SLC24A3: variants seen among roughly 807,000 people sequenced by gnomAD.
SLC24A3 encodes the protein solute carrier family 24 member 3.
In SLC24A3, 28 loss-of-function variants were observed where a neutral mutation model predicts 75.8. That is an observed-to-expected ratio of 0.37 (90% CI 0.27 to 0.51). SLC24A3 has a LOEUF of 0.51. Among genes scored for constraint, SLC24A3 ranks in the 20% least tolerant of loss-of-function variants. SLC24A3 has a pLI of 0.94. For missense variants in SLC24A3, 663 were observed against 847.8 expected (o/e 0.78, Z 2.71); for synonymous variants, 372 against 334.1 (o/e 1.11, Z -1.24).
In SLC24A3 at chr20:19,213,025, C is replaced by A. The variant is rs770568066; in HGVS notation, c.142+41C>A. On this transcript the variant is annotated intron_variant, in intron 1 of 16. Transcript: ENST00000328041. ...CTGCCCCGAGTGGGCGCTGCGGCTC[C>A]GGCGGCTCGGGGCTCCCGGGGCTGG... The A allele has an allele frequency of 2.5e-6, 3 of 1,209,166 alleles. No individual in the cohort carries two copies. In the African/African-American group the frequency reaches 4.7e-5, roughly 19 times the overall value. The allele number at this position is 1,209,166 out of a possible 1,614,324, so 74.9% of individuals were successfully genotyped here. A position where few individuals can be genotyped will look rare whatever the true frequency, so the allele number is the denominator to read the frequency against.
intron 2 of SLC24A3, among the ~76,000 whole-genome samples, chr20:19,404,283 C>T (rs185656194): frequency 1.4e-4 from 22 of 152,260 alleles, no homozygotes; most frequent in African/African-American, 4.8e-4. Context: ...TTTGTGAGCT[C>T]GTATTTAGAC....
At chr20:19,614,461 C>T (rs553355912) in intron 6 of SLC24A3, among the ~76,000 whole-genome samples, 1 of 152,372 alleles carries the variant, frequency 6.6e-6, no homozygotes, top group Admixed American at 6.5e-5. Flanking sequence ...GAAGCTGTCC[C>T]TTAGTGCCAC....
intron 10 of SLC24A3, among the ~76,000 whole-genome samples, chr20:19,682,507 C>T (rs2032626667): frequency 6.6e-6 from 1 of 152,084 alleles, no homozygotes; most frequent in Non-Finnish European, 1.5e-5. Context: ...CTGGAAATTC[C>T]CAGGCAACAC....
At chr20:19,486,231 A>C (rs1323930612) in intron 2 of SLC24A3, among the ~76,000 whole-genome samples, 2 of 152,194 alleles carry the variant, frequency 1.3e-5, no homozygotes. Flanking sequence ...ACTAGAAATA[A>C]GTATTACCAT....
chr20:19,525,537 C>T (rs542026515), intron 3 of SLC24A3, among the ~76,000 whole-genome samples: 23 of 152,208 alleles, frequency 1.5e-4, no homozygotes, highest in African/African-American at 5.1e-4. Flanking sequence ...CAACTGATGA[C>T]CTCAAGCAGG....
Position 19,546,179 on chromosome 20 carries a change from A to AAAAAAAAAAAAAAAAC in SLC24A3, c.348+30624_348+30625insAAAAAACAAAAAAAAA, listed in dbSNP as rs765227499. Among the ~76,000 whole-genome samples the AAAAAAAAAAAAAAAAC allele has an allele frequency of 3.4e-5, 5 of 147,466 alleles. 1 individual carries two copies. The highest frequency in any genetic ancestry group is 3.3e-3 in the Middle Eastern group (1 of 306). On this transcript the variant is annotated intron_variant, in intron 3 of 16. Transcript: ENST00000328041. ...GTCTCAAAAAAAAAAAAAAAAAAAA[A>AAAAAAAAAAAAAAAAC]AAAAAAAAACCAGGTAATCGACCTG... is the stretch of plus-strand genomic sequence containing the variant.
At chr20:19,414,978 A>G (rs1986803883) in intron 2 of SLC24A3, among the ~76,000 whole-genome samples, 1 of 152,166 alleles carries the variant, frequency 6.6e-6, no homozygotes, top group Admixed American at 6.5e-5. Context: ...CATGAATTTT[A>G]TATTTATTTT....
intron 2 of SLC24A3, among the ~76,000 whole-genome samples, chr20:19,461,780 G>T (rs1410150004): frequency 6.6e-6 from 1 of 152,032 alleles, no homozygotes; most frequent in Non-Finnish European, 1.5e-5. Flanking sequence ...CCATCTGCCC[G>T]CCTCTGCCTC....
chr20:19,614,178 T>C (rs182443659), intron 6 of SLC24A3, among the ~76,000 whole-genome samples: 2 of 152,346 alleles, frequency 1.3e-5, no homozygotes, highest in African/African-American at 4.8e-5. Flanking sequence ...AAAATCTATC[T>C]TTACCATTTG....
At chr20:19,665,672 T>C (rs552085088) in intron 7 of SLC24A3, among the ~76,000 whole-genome samples, 192 bp from the exon 8 acceptor site, 3 of 152,292 alleles carry the variant, frequency 2.0e-5, no homozygotes, top group African/African-American at 7.2e-5. Flanking sequence ...CCACTAACAC[T>C]GGCCAAAGGC....
At chr20:19,713,325 A>C (rs1021833588) in intron 15 of SLC24A3, among the ~76,000 whole-genome samples, 4 of 152,218 alleles carry the variant, frequency 2.6e-5, no homozygotes. Flanking sequence ...CTGGGTTTAA[A>C]AACACTACAT....
chr20:19,515,408 T>G, intron 2 of SLC24A3, 80 bp from the exon 3 acceptor site: 11 of 1,355,928 alleles, frequency 8.1e-6, no homozygotes, highest in Admixed American at 3.5e-5. Context: ...GGACCCCATG[T>G]TAAAACCAAG....
intron 2 of SLC24A3, among the ~76,000 whole-genome samples, chr20:19,353,285 C>T (rs904397624): frequency 6.6e-6 from 1 of 152,110 alleles, no homozygotes; most frequent in Non-Finnish European, 1.5e-5. Flanking sequence ...CAAACAAGCC[C>T]ACAGTAGATT....
chr20:19,609,743 C>T (rs1372423010), intron 6 of SLC24A3, among the ~76,000 whole-genome samples: 2 of 152,300 alleles, frequency 1.3e-5, no homozygotes, highest in African/African-American at 4.8e-5. Flanking sequence ...AGGTAGTTTA[C>T]CTGACCATGT....
intron 2 of SLC24A3, among the ~76,000 whole-genome samples, chr20:19,392,265 T>C (rs1986379918): frequency 6.6e-6 from 1 of 152,112 alleles, no homozygotes; most frequent in Non-Finnish European, 1.5e-5. Flanking sequence ...TGATCACCTG[T>C]GGGTACAGGT....
chr20:19,578,696 A>C (rs1029473805), intron 3 of SLC24A3, among the ~76,000 whole-genome samples: 1 of 152,112 alleles, frequency 6.6e-6, no homozygotes, highest in African/African-American at 2.4e-5. Flanking sequence ...AAATGAATGC[A>C]ATGTCACTGC....
At chr20:19,313,026 T>A (rs925706927) in intron 2 of SLC24A3, among the ~76,000 whole-genome samples, 1 of 142,652 alleles carries the variant, frequency 7.0e-6, no homozygotes, top group Admixed American at 7.6e-5. Flanking sequence ...CCTTTTCTCT[T>A]GCTTTTTTTT....
At chr20:19,536,440 G>A (rs902244090) in intron 3 of SLC24A3, among the ~76,000 whole-genome samples, 1 of 152,068 alleles carries the variant, frequency 6.6e-6, no homozygotes, top group Non-Finnish European at 1.5e-5. Context: ...GTGGGGGTAG[G>A]CCATACTGCC....
chr20:19,570,193 G>A (rs773174411), intron 3 of SLC24A3, among the ~76,000 whole-genome samples: 2 of 152,204 alleles, frequency 1.3e-5, no homozygotes, highest in Non-Finnish European at 2.9e-5. Context: ...CACATGGCCA[G>A]GAGGAGAGAG....
Sources: allele counts gnomAD v4.1 joint callset (sites outside exome capture counted in the v4.1 genomes callset), GRCh38; gene constraint gnomAD v4.1.1; transcripts MANE v1.5; gene names NCBI Gene and HGNC (gene_info 2026-07-23, HGNC 2026-07-21).